Variants in STK33 observed in about 807,000 individuals in gnomAD.
The protein encoded by STK33 is serine/threonine-protein kinase 33.
STK33 carries 52 observed loss-of-function variants against 58.0 expected under a neutral mutation model. The observed-to-expected ratio is 0.90, with a 90% CI of 0.72 to 1.13. The LOEUF is 1.13. Ranked by LOEUF, STK33 falls within the 50% of genes most tolerant of loss-of-function variation. The probability of loss-of-function intolerance (pLI) is 0.00; values close to 1 mark genes in which losing one functional copy is unlikely to be tolerated. For synonymous variants in STK33, 215 were observed against 200.1 expected (o/e 1.07, Z -0.63); for missense variants, 630 against 604.2 (o/e 1.04, Z -0.45).
intron 1 of STK33, among the ~76,000 whole-genome samples, chr11:8,570,189 A>T (rs1957711934): frequency 6.6e-6 from 1 of 152,216 alleles, no homozygotes; most frequent in African/African-American, 2.4e-5. Flanking sequence ...TCATTAGATA[A>T]ATGTAAGTTA....
chr11:8,453,672 G>A (rs1220829960), intron 10 of STK33, among the ~76,000 whole-genome samples: 1 of 152,202 alleles, frequency 6.6e-6, no homozygotes, highest in African/African-American at 2.4e-5. Flanking sequence ...CCCTTAGACT[G>A]AAGGCAGAAA....
At chr11:8,362,742 G>A in the STK33 span, among the ~76,000 whole-genome samples, 1 of 152,100 alleles carries the variant, frequency 6.6e-6, no homozygotes, top group African/African-American at 2.4e-5. Flanking sequence ...GCCCTGCACG[G>A]CCTCTCCCTG....
intron 1 of STK33, among the ~76,000 whole-genome samples, chr11:8,566,636 C>A (rs947535284): frequency 6.6e-6 from 1 of 152,178 alleles, no homozygotes. Context: ...GTCATACATG[C>A]TTTTACTACT....
the STK33 span, among the ~76,000 whole-genome samples, chr11:8,384,763 T>C: frequency 6.6e-6 from 1 of 152,328 alleles, no homozygotes; most frequent in East Asian, 1.9e-4. Flanking sequence ...TCACTTGAGA[T>C]GACTCACTCT....
chr11:8,404,935 T>G (rs1156892913), intron 15 of STK33, among the ~76,000 whole-genome samples: 1 of 152,156 alleles, frequency 6.6e-6, no homozygotes, highest in African/African-American at 2.4e-5. Flanking sequence ...GGTCAGGAGA[T>G]AGAGACCATC....
intron 1 of STK33, among the ~76,000 whole-genome samples, chr11:8,560,886 C>A (rs1470074080): frequency 2.6e-5 from 4 of 152,126 alleles, no homozygotes; most frequent in Non-Finnish European, 5.9e-5. Context: ...GTGGCAGTGC[C>A]TAGATTTCAA....
At chr11:8,533,515 G>A (rs1954714975) in intron 1 of STK33, 1 of 152,232 alleles carries the variant, frequency 6.6e-6, no homozygotes. Flanking sequence ...AAGAGGTGAA[G>A]ATCAGCCAGG....
At chr11:8,502,698 T>A (rs753207824) in intron 1 of STK33, among the ~76,000 whole-genome samples, 2 of 151,768 alleles carry the variant, frequency 1.3e-5, no homozygotes, top group Non-Finnish European at 2.9e-5. Context: ...GAACAGACAA[T>A]CCACAGAATG....
chr11:8,592,321 G>C (rs2032744601), intron 1 of STK33, among the ~76,000 whole-genome samples: 1 of 152,090 alleles, frequency 6.6e-6, no homozygotes, highest in Non-Finnish European at 1.5e-5. Flanking sequence ...AAAAAACTAA[G>C]ACTCCAATAC....
At chr11:8,569,321 C>T (rs1295451774) in intron 1 of STK33, among the ~76,000 whole-genome samples, 1 of 152,104 alleles carries the variant, frequency 6.6e-6, no homozygotes, top group Middle Eastern at 3.2e-3. Flanking sequence ...AAACAGAAGT[C>T]AACTGATTTT....
At chr11:8,481,891 T>C (rs1006938048) in intron 1 of STK33, among the ~76,000 whole-genome samples, 1 of 152,192 alleles carries the variant, frequency 6.6e-6, no homozygotes, top group African/African-American at 2.4e-5. Context: ...TCTATAGGCA[T>C]TGGTCATAAT....
intron 1 of STK33, among the ~76,000 whole-genome samples, chr11:8,510,903 T>C (rs180773934): frequency 2.6e-5 from 4 of 152,320 alleles, no homozygotes; most frequent in South Asian, 2.1e-4. Context: ...TTGGTAACTA[T>C]AGCCTTGCAG....
intron 1 of STK33, among the ~76,000 whole-genome samples, chr11:8,481,811 G>A (rs1230958106): frequency 1.3e-5 from 2 of 152,084 alleles, no homozygotes; most frequent in Non-Finnish European, 2.9e-5. Context: ...AAACACATAA[G>A]TATTTATTTT....
At chr11:8,376,746 T>C in the STK33 span, among the ~76,000 whole-genome samples, 2 of 152,090 alleles carry the variant, frequency 1.3e-5, no homozygotes, top group African/African-American at 2.4e-5. Context: ...TTCACCATGT[T>C]GGCCAGGATG....
In STK33 at chr11:8,418,061, T is replaced by C. The variant is rs527556113; in HGVS notation, c.1147-4369A>G. 1.4e-4 allele frequency among the ~76,000 whole-genome samples: 21 copies of C among 152,174 alleles called. No homozygotes were observed. The South Asian group carries it at 4.2e-3, about 30-fold the overall frequency. On this transcript the variant is annotated intron_variant, in intron 14 of 15. Coordinates refer to ENST00000687296, the MANE Select transcript of STK33 (RefSeq NM_001352389.2). ...GGACTATTTACAAAATAGTTTATAGTTTGGGATATAATGCTGGCTTTTCAT... is the reference window on the plus strand; with the variant it reads ...GGACTATTTACAAAATAGTTTATAGCTTGGGATATAATGCTGGCTTTTCAT...
chr11:8,340,006 C>G, the STK33 span, among the ~76,000 whole-genome samples: 1 of 152,268 alleles, frequency 6.6e-6, no homozygotes. Flanking sequence ...GAAGGCGCAC[C>G]GCGCGACCAG....
At chr11:8,363,691 C>G in the STK33 span, among the ~76,000 whole-genome samples, 2 of 152,206 alleles carry the variant, frequency 1.3e-5, no homozygotes, top group African/African-American at 4.8e-5. Flanking sequence ...TGAAATCACA[C>G]GGGGAGATCC....
the STK33 span, among the ~76,000 whole-genome samples, chr11:8,350,169 C>A: frequency 1.3e-5 from 2 of 152,226 alleles, no homozygotes; most frequent in Non-Finnish European, 2.9e-5. Flanking sequence ...CCATCGGTGG[C>A]TCTGTGGTGG....
rs192965682 is a variant in STK33, at chr11:8,556,049, A to T, written c.-466+38034T>A. ...AACAGATTGTAAGGCAAGAGAAGCA[A>T]TGTAAGTGAAGGTGGGCACATAAGA... On this transcript the variant is annotated intron_variant, in intron 1 of 15. Transcript: ENST00000687296. Among the ~76,000 whole-genome samples, 170 of 152,290 alleles carry T rather than the reference A, an allele frequency of 1.1e-3. 1 individual carries two copies. Among genetic ancestry groups the T allele is most frequent in the African/African-American group, 4.0e-3 (165 of 41,550 alleles).
Sources: allele counts gnomAD v4.1 joint callset (sites outside exome capture counted in the v4.1 genomes callset), GRCh38; gene constraint gnomAD v4.1.1; transcripts MANE v1.5; gene names NCBI Gene and HGNC (gene_info 2026-07-23, HGNC 2026-07-21).